The following AFG2B variants were observed in gnomAD, a reference collection of about 807,000 sequenced individuals.
AFG2B encodes the protein AAA ATPase AFG2B.
the AFG2B span, among the ~76,000 whole-genome samples, chr15:45,415,040 C>T: frequency 1.3e-5 from 2 of 151,952 alleles, no homozygotes; most frequent in Non-Finnish European, 2.9e-5. Flanking sequence ...ATATCTATAG[C>T]TTTATCCTGC....
At chr15:45,417,499 C>T in the AFG2B span, 1 of 1,280,908 alleles carries the variant, frequency 7.8e-7, no homozygotes, top group Non-Finnish European at 1.1e-6. Flanking sequence ...GTTCCGCCTT[C>T]TTCCTTGCCT....
chr15:45,412,731 G>T, the AFG2B span, among the ~76,000 whole-genome samples: 1 of 152,026 alleles, frequency 6.6e-6, no homozygotes, highest in Non-Finnish European at 1.5e-5. Flanking sequence ...TCTAAAAGAC[G>T]TTAAATGGAT....
chr15:45,416,574 A>G, the AFG2B span, among the ~76,000 whole-genome samples: 1 of 152,214 alleles, frequency 6.6e-6, no homozygotes, highest in South Asian at 2.1e-4. Flanking sequence ...CCACGAGGTT[A>G]TCTAATCAAA....
At chr15:45,410,632 A>G in the AFG2B span, 1 of 1,090,558 alleles carries the variant, frequency 9.2e-7, no homozygotes, top group Non-Finnish European at 1.3e-6. Context: ...TGCTCCTATC[A>G]CTAATGTGAT....
chr15:45,421,178 AAAG>A, the AFG2B span: 1 of 1,608,600 alleles, frequency 6.2e-7, no homozygotes, highest in Non-Finnish European at 8.5e-7. Context: ...CTTATTTAAG[AAAG>A]AAGGATTTTC....
At chr15:45,405,457 A>G in the AFG2B span, 13 of 1,613,982 alleles carry the variant, frequency 8.1e-6, no homozygotes, top group Admixed American at 6.7e-5. Context: ...CCGACCTGAC[A>G]GCACTCTGTA....
At chr15:45,416,656 C>G in the AFG2B span, among the ~76,000 whole-genome samples, 1 of 152,178 alleles carries the variant, frequency 6.6e-6, no homozygotes, top group African/African-American at 2.4e-5. Context: ...AAAATACTTG[C>G]AAATATAGGG....
chr15:45,417,217 A>G, the AFG2B span: 1 of 1,574,800 alleles, frequency 6.4e-7, no homozygotes, highest in Non-Finnish European at 8.6e-7. Context: ...AATTTTTAGA[A>G]AACTTATTAA....
the AFG2B span, chr15:45,418,670 C>T: frequency 6.2e-7 from 1 of 1,608,190 alleles, no homozygotes; most frequent in South Asian, 1.1e-5. Context: ...ATCTTAGAAA[C>T]CTCTGCACAG....
chr15:45,404,301 T>C, the AFG2B span, among the ~76,000 whole-genome samples: 1 of 152,182 alleles, frequency 6.6e-6, no homozygotes, highest in African/African-American at 2.4e-5. Context: ...TAGCTATCTA[T>C]ACCTGGCTTC....
the AFG2B span, chr15:45,418,521 A>T: frequency 1.3e-6 from 2 of 1,551,336 alleles, no homozygotes; most frequent in South Asian, 2.5e-5. Flanking sequence ...CATAAATGTT[A>T]TAAGATTTAA....
At chr15:45,409,040 A>C in the AFG2B span, among the ~76,000 whole-genome samples, 1 of 152,136 alleles carries the variant, frequency 6.6e-6, no homozygotes, top group Non-Finnish European at 1.5e-5. Context: ...CACAGTAATG[A>C]ATGAGTACTG....
chr15:45,411,754 C>CT, the AFG2B span, among the ~76,000 whole-genome samples: 1 of 152,124 alleles, frequency 6.6e-6, no homozygotes, highest in African/African-American at 2.4e-5. Flanking sequence ...CACCACTGCA[C>CT]TGCAGCTTGG....
At chr15:45,419,267 G>A in the AFG2B span, among the ~76,000 whole-genome samples, 1 of 152,140 alleles carries the variant, frequency 6.6e-6, no homozygotes, top group Non-Finnish European at 1.5e-5. Context: ...GGGTAATACA[G>A]TGAGACCCCA....
the AFG2B span, chr15:45,407,110 C>G: frequency 1.6e-6 from 2 of 1,288,988 alleles, no homozygotes; most frequent in African/African-American, 1.5e-5. Context: ...ACTGCTACTT[C>G]AGGAGGGGCC....
the AFG2B span, chr15:45,403,359 C>T: frequency 1.2e-6 from 2 of 1,609,768 alleles, no homozygotes; most frequent in Non-Finnish European, 1.7e-6. Context: ...CCTTGTGTCC[C>T]CAGCGGGGCA....
the AFG2B span, chr15:45,402,876 G>T: frequency 6.3e-7 from 1 of 1,598,482 alleles, no homozygotes; most frequent in Non-Finnish European, 8.5e-7. Context: ...TGGGCCACGT[G>T]GTGGTCGCTC....
the AFG2B span, chr15:45,405,622 C>A: frequency 3.2e-6 from 3 of 942,556 alleles, no homozygotes; most frequent in Non-Finnish European, 3.1e-6. Context: ...GCTTCCACAG[C>A]TGTTGCTTAT....
chr15:45,415,856 A>G, the AFG2B span: 1 of 1,319,106 alleles, frequency 7.6e-7, no homozygotes, highest in Non-Finnish European at 1.1e-6. Context: ...AACATTAAAT[A>G]TAATGCATAT....
Sources: gnomAD v4.1 joint callset for allele counts (sites outside exome capture counted in the v4.1 genomes callset) on GRCh38, gnomAD v4.1.1 for gene constraint, MANE v1.5 for transcripts, NCBI Gene and HGNC (gene_info 2026-07-23, HGNC 2026-07-21) for gene names.